The following DYSF variants were observed in gnomAD, a reference collection of about 807,000 sequenced individuals.
The protein encoded by DYSF is dysferlin.
In DYSF, 212 loss-of-function variants were observed where a neutral mutation model predicts 274.9. That is an observed-to-expected ratio of 0.77 (90% CI 0.69 to 0.86). DYSF has a LOEUF of 0.86. Ranked by LOEUF, DYSF falls within the 40% of genes least tolerant of loss-of-function variation. DYSF has a pLI of 0.00. For synonymous variants in DYSF, 1,091 were observed against 1,078.7 expected, an observed-to-expected ratio of 1.01 and a Z score of -0.22; for missense variants, 2,666 against 2,783.2, an observed-to-expected ratio of 0.96 and a Z score of 0.95.
At chr2:71,466,406 C>T (rs1176819338), upstream of DYSF, among the ~76,000 whole-genome samples, 3 of 152,186 alleles carry the variant, frequency 2.0e-5, no homozygotes, top group Admixed American at 2.0e-4. Context: ...GCACCGGGCC[C>T]GGGATCCCTG....
intron 45 of DYSF, among the ~76,000 whole-genome samples, chr2:71,661,447 T>C (rs2094880193): frequency 6.6e-6 from 1 of 152,330 alleles, no homozygotes. Flanking sequence ...CTCTTACTAA[T>C]GTCTCAGGAT....
At chr2:71,544,550 C>G (rs1363967306) in intron 17 of DYSF, among the ~76,000 whole-genome samples, 1 of 150,972 alleles carries the variant, frequency 6.6e-6, no homozygotes, top group Admixed American at 6.6e-5. Flanking sequence ...ACCTCTGCCT[C>G]CTGGGTTCAA....
intron 24 of DYSF, 134 bp from the exon 25 acceptor site, chr2:71,567,817 C>T: frequency 7.5e-7 from 1 of 1,340,606 alleles, no homozygotes. Context: ...GGTAAGCGCT[C>T]CCACAGGGGA....
rs778427145 is a variant in DYSF at position 71,570,232 on chromosome 2, G to T, written c.2983G>T (p.Gly995Trp). The change falls in exon 28 of 56, where the codon GGG becomes TGG. Residue 995 changes from glycine to tryptophan, a missense_variant. Gly to Trp is a radical substitution (Grantham distance 184, BLOSUM62 -2). Around this residue, in one of 3 missense-constraint regions of DYSF, gnomAD observed 1,460 missense variants for 1,502.1 expected, o/e 0.97. Coordinates refer to ENST00000410020, the MANE Select transcript of DYSF (RefSeq NM_001130987.2). ...YMSDNYTDVN[G>W]EKVLPKDDIE... ...GCCTGTTCGGTTTTGTCCTTAGAAC[G>T]GGGAGAAGGTGCTTCCCAAGGATGA... is the stretch of plus-strand genomic sequence containing the variant. The T allele has an allele frequency of 1.2e-6, 2 of 1,614,008 alleles. No homozygotes were observed. Among genetic ancestry groups the T allele is most frequent in the South Asian group, 2.2e-5 (2 of 91,074 alleles).
At chr2:71,669,063 C>T in intron 49 of DYSF, 49 bp from the exon 50 acceptor site, 2 of 1,508,926 alleles carry the variant, frequency 1.3e-6, no homozygotes, top group Admixed American at 1.9e-5. Context: ...AAGGCCTTCC[C>T]ATCCTTTGGT....
rs70959240 is a variant in DYSF at position 71,519,092 on chromosome 2, CA to C, written c.1003-1056del. 5.6e-3 allele frequency among the ~76,000 whole-genome samples: 335 copies of C among 59,698 alleles called. 2 individuals carry two copies. Among genetic ancestry groups the C allele is most frequent in the East Asian group, 0.026 (21 of 804 alleles). 39.2% of individuals were successfully genotyped at this position (59,698 alleles called of 152,430 possible). A position where few individuals can be genotyped will look rare whatever the true frequency, so the allele number is the denominator to read the frequency against. ...TGGATGACAGAGCGACACTCCATCT[CA>C]AAAAAAAAAAAAAAAAAAAAAAAAA... On this transcript the variant is annotated intron_variant, in intron 10 of 55. Transcript: ENST00000410020.
Position 71,564,067 on chromosome 2 carries a change from A to G in DYSF, c.2419A>G (p.Ser807Gly). 1 of 1,614,188 alleles carries G rather than the reference A, an allele frequency of 6.2e-7. No individual in the cohort carries two copies. The highest frequency in any genetic ancestry group is 8.5e-7 in the Non-Finnish European group (1 of 1,180,010). ...LRALAEEPQNSLPDIVIWMLQ... is the reference protein window; with the variant it reads ...LRALAEEPQNGLPDIVIWMLQ... ...ACCACCCTCTGTTCAGCCCCAGAAC[A>G]GCCTGCCGGACATCGTCATCTGGAT... The change falls in exon 24 of 56, where the codon AGC (serine) becomes GGC (glycine). Residue 807 changes from serine (S) to glycine (G), a missense_variant. This residue lies in a region of DYSF where 412 missense variants were observed against 504.0 expected (regional missense o/e 0.82). Coordinates refer to ENST00000410020, the MANE Select transcript of DYSF (RefSeq NM_001130987.2).
In DYSF at chr2:71,568,097, GC is replaced by G; in HGVS notation, c.2697+20del. On this transcript the variant is annotated intron_variant, in intron 25 of 55. Transcript: ENST00000410020. The stretch of plus-strand genomic sequence containing the variant: ...TTGCTGAAACCGTGAGTACCTGCCA[GC>G]CCCCACCTCTGCCTCCCACTACCTG... The G allele has an allele frequency of 6.2e-7, 1 of 1,614,176 alleles. No individual in the cohort carries two copies. Among genetic ancestry groups the G allele is most frequent in the African/African-American group, 1.3e-5 (1 of 75,052 alleles).
chr2:71,565,489 A>G (rs2092036746), intron 24 of DYSF, among the ~76,000 whole-genome samples: 1 of 151,844 alleles, frequency 6.6e-6, no homozygotes, highest in East Asian at 1.9e-4. Context: ...CACCTCCCCA[A>G]AGCCCCTCCA....
intron 41 of DYSF, among the ~76,000 whole-genome samples, chr2:71,621,699 G>A (rs186329982): frequency 9.2e-5 from 14 of 151,576 alleles, no homozygotes; most frequent in South Asian, 4.2e-4. Context: ...TCACTTTGTC[G>A]CCCAGGCTAG....
At chr2:71,470,261 G>C (rs193140211) in intron 1 of DYSF, among the ~76,000 whole-genome samples, 370 of 152,284 alleles carry the variant, frequency 2.4e-3, no homozygotes, top group African/African-American at 8.5e-3. Context: ...TATAGAACTA[G>C]TTGGAGGTGG....
rs1411200577 is a variant in DYSF, at chr2:71,613,351, A to C, written c.4405A>C (p.Ser1469Arg). ...QGGPDDVSLL[S>R]PGEDVLIDID... ...CCCTGCAGACGATGTGAGCCTACTC[A>C]GTCCTGGGGAAGACGTGCTCATCGA... The change falls in exon 40 of 56, where the codon AGT (serine) becomes CGT (arginine). Residue 1469 changes from serine (S) to arginine (R), a missense_variant. Ser to Arg is a moderately radical substitution (Grantham distance 110). Around this residue, in one of 3 missense-constraint regions of DYSF, gnomAD observed 1,460 missense variants for 1,502.1 expected, o/e 0.97. Transcript: ENST00000410020. 2 of 1,613,288 alleles carry C rather than the reference A, an allele frequency of 1.2e-6. No homozygotes were observed. The highest frequency in any genetic ancestry group is 2.2e-5 in the South Asian group (2 of 90,682).
chr2:71,474,592 G>A (rs2152665537), intron 1 of DYSF, among the ~76,000 whole-genome samples: 1 of 152,268 alleles, frequency 6.6e-6, no homozygotes, highest in East Asian at 1.9e-4. Flanking sequence ...TGTAAATCAC[G>A]TGATTGTGCT....
At chr2:71,682,272 G>A (rs544992794) in intron 54 of DYSF, among the ~76,000 whole-genome samples, 1 of 152,108 alleles carries the variant, frequency 6.6e-6, no homozygotes, top group Non-Finnish European at 1.5e-5. Flanking sequence ...GGATGGCAGA[G>A]AAACTGGGCC....
intron 30 of DYSF, among the ~76,000 whole-genome samples, chr2:71,575,460 C>A (rs1294789352): frequency 6.6e-6 from 1 of 152,104 alleles, no homozygotes; most frequent in East Asian, 1.9e-4. Context: ...GAGCTCTCGG[C>A]TCTCTGGGCT....
At position 71,667,424 on chromosome 2, in the gene DYSF, T is replaced by C; in HGVS notation, c.5366T>C (p.Leu1789Pro). The C allele has an allele frequency of 6.2e-7, 1 of 1,614,116 alleles. No homozygotes were observed. The change falls in exon 48 of 56, where the codon CTG becomes CCG. Residue 1789 changes from leucine (L) to proline (P), a missense_variant. By Grantham distance (98) the Leu-to-Pro change is moderately conservative. Around this residue, in one of 3 missense-constraint regions of DYSF, gnomAD observed 1,460 missense variants for 1,502.1 expected, o/e 0.97. Coordinates refer to ENST00000410020, the MANE Select transcript of DYSF (RefSeq NM_001130987.2). ...CACCTGGGCCCAGTGGAGGAGCGTC[T>C]GGCTCTGCATGTGCTTCAGCAGCAG... The part of the protein sequence containing the change: ...NPHLGPVEER[L>P]ALHVLQQQGL...
At chr2:71,521,297 T>G (rs2087246150) in intron 12 of DYSF, among the ~76,000 whole-genome samples, 1 of 152,090 alleles carries the variant, frequency 6.6e-6, no homozygotes, top group Non-Finnish European at 1.5e-5. Context: ...AAGTTGGAGG[T>G]GGTAAGAATG....
chr2:71,646,060 G>T (rs905023233), intron 42 of DYSF, among the ~76,000 whole-genome samples: 1 of 152,186 alleles, frequency 6.6e-6, no homozygotes, highest in Non-Finnish European at 1.5e-5. Flanking sequence ...CTGCTCTATG[G>T]GCCTGCCTGG....
intron 41 of DYSF, among the ~76,000 whole-genome samples, chr2:71,623,080 GTAT>G (rs2152898728): frequency 1.3e-5 from 2 of 152,318 alleles, no homozygotes; most frequent in South Asian, 4.1e-4. Context: ...ATTGGTCATG[GTAT>G]TATAGTTTAC....
Sources: allele counts gnomAD v4.1 joint callset (sites outside exome capture counted in the v4.1 genomes callset), GRCh38; gene constraint gnomAD v4.1.1; regional missense constraint gnomAD v4.1.1; transcripts MANE v1.5; gene names NCBI Gene and HGNC (gene_info 2026-07-23, HGNC 2026-07-21).